PLEC: variants seen among roughly 807,000 people sequenced by gnomAD.
The protein encoded by PLEC is hemidesmosomal protein 1.
Under a neutral mutation model 392.8 loss-of-function variants are expected in PLEC, and 216 were observed. The ratio of observed to expected loss-of-function variants is 0.55; its 90% CI spans 0.49 to 0.62. PLEC has a LOEUF of 0.62. PLEC is among the 20% of genes least tolerant of loss of function. PLEC has a pLI of 0.00. For missense variants in PLEC, 6,863 were observed against 6,563.4 expected, an observed-to-expected ratio of 1.05 and a Z score of -1.58; for synonymous variants, 3,621 against 2,980.6, an observed-to-expected ratio of 1.21 and a Z score of -7.00.
At chr8:143,950,717 G>A (rs560786318) in exon 1 of PLEC, 5 of 1,554,566 alleles carry the variant, frequency 3.2e-6, no homozygotes, top group East Asian at 4.7e-5. Context: ...GGCTGCTGGA[G>A]CCGGGCAGTC....
chr8:143,933,957 C>A (rs373274697), intron 12 of PLEC, 41 bp downstream of exon 12: 2 of 1,533,952 alleles, frequency 1.3e-6, no homozygotes, highest in South Asian at 2.3e-5. Context: ...CAGGCTCCTC[C>A]GGCCTCCCTC....
At position 143,966,193 on chromosome 8, in the gene PLEC, C is replaced by T. The variant is rs970878971; in HGVS notation, c.70+7210G>A. Reference sequence around the variant, plus strand: ...CCCTGCTTCCTCACGCCCCTTCCTCCTTCGCAGACCCAACAGGCCCCCATG... The same window carrying T: ...CCCTGCTTCCTCACGCCCCTTCCTCTTTCGCAGACCCAACAGGCCCCCATG... On this transcript the variant is annotated intron_variant, in intron 1 of 31. Transcript: ENST00000356346. Among the ~76,000 whole-genome samples the T allele has an allele frequency of 1.5e-4, 23 of 152,336 alleles. No homozygotes were observed. The Middle Eastern group carries it at 0.01, about 68-fold the overall frequency.
chr8:143,944,060 CG>C, upstream of PLEC: 2 of 915,742 alleles, frequency 2.2e-6, no homozygotes, highest in Non-Finnish European at 3.2e-6. Context: ...CAACAGCTCC[CG>C]CCCGCCTCCT....
At chr8:143,942,705 C>G (rs1275328636), upstream of PLEC, among the ~76,000 whole-genome samples, 1 of 152,268 alleles carries the variant, frequency 6.6e-6, no homozygotes, top group Non-Finnish European at 1.5e-5. Context: ...GGCGCGCAGC[C>G]CCGCCCAGCG....
chr8:143,932,332 A>G (rs2131895278), intron 16 of PLEC, 68 bp downstream of exon 16: 1 of 1,608,716 alleles, frequency 6.2e-7, no homozygotes, highest in Admixed American at 1.7e-5. Context: ...GTCTCTGACC[A>G]TAGGGGACGG....
Position 143,922,068 on chromosome 8 carries a change from C to T in PLEC, c.7753G>A (p.Glu2585Lys). Residue 2585 changes from glutamate to lysine, a missense_variant, in exon 32 of 32, where the codon GAG becomes AAG. Coordinates refer to ENST00000345136, the MANE Select transcript of PLEC (RefSeq NM_201384.3). ...CTCTGGTTCTCCTCAGCCAGCAGCT[C>T]CTCCTGCTGCCGCCGCTGCTGCTCC... ...QLEQQRRQQE[E>K]LLAEENQRLR... 6.3e-7 allele frequency: 1 copy of T among 1,583,910 alleles called. No homozygotes were observed. Among genetic ancestry groups the T allele is most frequent in the Non-Finnish European group, 8.5e-7 (1 of 1,173,080 alleles).
At chr8:143,955,828 G>A (rs1171374677), upstream of PLEC, among the ~76,000 whole-genome samples, 2 of 151,898 alleles carry the variant, frequency 1.3e-5, no homozygotes, top group African/African-American at 4.8e-5. Flanking sequence ...TCAAACTCCT[G>A]GGCTCAAGCA....
Position 143,931,877 on chromosome 8 carries a change from T to C in PLEC, c.2178+60A>G, listed in dbSNP as rs868962318. On this transcript the variant is annotated intron_variant, in intron 18 of 31. Coordinates refer to ENST00000345136, the MANE Select transcript of PLEC (RefSeq NM_201384.3). ...CTCCTGATTGGAGCTGCCGAGGGGG[T>C]CCAGGGGCTCCTGCAAGGCTGCCGC... 55 of 1,490,930 alleles carry C rather than the reference T, an allele frequency of 3.7e-5. 1 individual carries two copies. In the Middle Eastern group the frequency reaches 3.7e-3, roughly 101 times the overall value. The allele number at this position is 1,490,930 out of a possible 1,614,324, so 92.4% of individuals were successfully genotyped here. A position where few individuals can be genotyped will look rare whatever the true frequency, so the allele number is the denominator to read the frequency against.
In PLEC at chr8:143,973,338, G is replaced by A. The variant is rs1273800202; in HGVS notation, c.70+65C>T. The A allele has an allele frequency of 7.9e-6, 12 of 1,528,110 alleles. No homozygotes were observed. The Admixed American group carries it at 1.4e-4, about 18-fold the overall frequency. The allele number at this position is 1,528,110 out of a possible 1,614,324, so 94.7% of individuals were successfully genotyped here. ...GGCGATCGGGACCGCCACCGTGGAC[G>A]ACAAGGTGCTCGGCGGCTGGGCTGT... is the stretch of plus-strand genomic sequence containing the variant. On this transcript the variant is annotated intron_variant, in intron 1 of 31. Transcript: ENST00000356346. The surrounding 1 kb of genome is among the most constrained non-coding windows in gnomAD (Gnocchi z 5.6).
rs950052323 is a variant in PLEC at position 143,969,568 on chromosome 8, A to T, written c.70+3835T>A. Among the ~76,000 whole-genome samples, 6 of 152,186 alleles carry T rather than the reference A, an allele frequency of 3.9e-5. No individual in the cohort carries two copies. The East Asian group carries it at 1.2e-3, about 29-fold the overall frequency. On this transcript the variant is annotated intron_variant, in intron 1 of 31. Transcript: ENST00000356346. The surrounding 1 kb of genome is among the most constrained non-coding windows in gnomAD (Gnocchi z 5.1). Reference sequence around the variant, plus strand: ...GAGAGAGACCTGGGGTGGGTGTGGCAGGGCGGGGACAGTTCTAGGAGAGAG... The same window carrying T: ...GAGAGAGACCTGGGGTGGGTGTGGCTGGGCGGGGACAGTTCTAGGAGAGAG...
rs1820488205 is a variant in PLEC, at chr8:143,916,272, A to C, written c.13549T>G (p.Phe4517Val). The change falls in exon 32 of 32, where the codon TTC becomes GTC. Residue 4517 changes from phenylalanine (F) to valine (V), a missense_variant. Transcript: ENST00000345136. ...GAGGAGGAGTAGGAGGATGAAGAGA[A>C]GGTCATGGAGAAGCCGGAGCCGGTG... ...DATGSGFSMT[F>V]SSSSYSSSGY... The C allele has an allele frequency of 6.4e-7, 1 of 1,555,692 alleles. No individual in the cohort carries two copies. The highest frequency in any genetic ancestry group is 8.7e-7 in the Non-Finnish European group (1 of 1,150,618).
chr8:143,953,488 C>G (rs559771368), upstream of PLEC, among the ~76,000 whole-genome samples: 4 of 152,224 alleles, frequency 2.6e-5, no homozygotes, highest in South Asian at 8.3e-4. Flanking sequence ...GCAGCAGCCA[C>G]CCCGCCCCCG....
chr8:143,917,725 G>T lies in PLEC; in HGVS notation c.12096C>A (p.Gly4032=). Residue 4032 remains glycine, a synonymous_variant, in exon 32 of 32, where the codon GGC becomes GGA. Coordinates refer to ENST00000345136, the MANE Select transcript of PLEC (RefSeq NM_201384.3). The part of the protein sequence containing the change: ...LISLFQAMKK[G]LILKDHGIRL... ...GGATGCCATGGTCCTTCAGGATCAG[G>T]CCCTTCTTCATGGCCTGGAAGAGGG... 1 of 1,613,582 alleles carries T rather than the reference G, an allele frequency of 6.2e-7. No individual in the cohort carries two copies. Among genetic ancestry groups the T allele is most frequent in the Non-Finnish European group, 8.5e-7 (1 of 1,180,014 alleles).
At chr8:143,976,518 C>G (rs1554746073), upstream of PLEC, among the ~76,000 whole-genome samples, 1 of 152,144 alleles carries the variant, frequency 6.6e-6, no homozygotes, top group Non-Finnish European at 1.5e-5. Flanking sequence ...ACACCCCGGG[C>G]ACCGCCCGTC....
intron 1 of PLEC, among the ~76,000 whole-genome samples, chr8:143,945,013 C>T (rs1242524538): frequency 1.3e-5 from 2 of 152,246 alleles, no homozygotes; most frequent in East Asian, 1.9e-4. Flanking sequence ...GAGCAGGGCG[C>T]GGGAGGTGCG....
In PLEC at chr8:143,923,242, C is replaced by G. The variant is rs782099387; in HGVS notation, c.6687G>C (p.Glu2229Asp). 1.1e-5 allele frequency: 18 copies of G among 1,604,682 alleles called. No homozygotes were observed. Among genetic ancestry groups the G allele is most frequent in the African/African-American group, 1.3e-5 (1 of 74,920 alleles). Residue 2229 changes from glutamate to aspartate, a missense_variant, in exon 31 of 32, where the codon GAG (glutamate) becomes GAC (aspartate). Glu to Asp is a conservative substitution (Grantham distance 45). Coordinates refer to ENST00000345136, the MANE Select transcript of PLEC (RefSeq NM_201384.3). ...AARQRSQVEEELFSVRVQMEE... is the reference protein window; with the variant it reads ...AARQRSQVEEDLFSVRVQMEE... The stretch of plus-strand genomic sequence containing the variant: ...CCATCTGCACGCGCACCGAGAAGAG[C>G]TCCTCCTCCACCTGGCTGCGCTGGC...
chr8:143,946,241 C>G, intron 1 of PLEC: 1 of 797,446 alleles, frequency 1.3e-6, no homozygotes, highest in South Asian at 1.6e-5. Context: ...ATCCCTGCAT[C>G]CCAGGTCTGA....
chr8:143,927,182 C>G, intron 28 of PLEC, 70 bp downstream of exon 28: 2 of 1,581,188 alleles, frequency 1.3e-6, no homozygotes, highest in East Asian at 4.5e-5. Flanking sequence ...GGCCCAGGCT[C>G]AGGGAAAGCC....
In PLEC at chr8:143,924,600, C is replaced by T. The variant is rs1394657236; in HGVS notation, c.5329G>A (p.Glu1777Lys). Residue 1777 changes from glutamate to lysine, a missense_variant, in exon 31 of 32, where the codon GAG becomes AAG. Physicochemically the swap from Glu to Lys is moderately conservative, Grantham distance 56. Transcript: ENST00000345136. ...GACTTCTCGCTGGTGGAGCGCGACTCCTCCTCAGCCCTCGCCTTGCTGGCC... is the reference window on the plus strand; with the variant it reads ...GACTTCTCGCTGGTGGAGCGCGACTTCTCCTCAGCCCTCGCCTTGCTGGCC... ...LLASKARAEE[E>K]SRSTSEKSKQ... is the part of the protein sequence containing the mutation. 1 of 1,544,340 alleles carries T rather than the reference C, an allele frequency of 6.5e-7. No homozygotes were observed. Among genetic ancestry groups the T allele is most frequent in the Non-Finnish European group, 8.7e-7 (1 of 1,151,564 alleles).
Sources: gnomAD v4.1 joint callset for allele counts (sites outside exome capture counted in the v4.1 genomes callset) on GRCh38, gnomAD v4.1.1 for gene constraint, Gnocchi (gnomAD v3.1) non-coding constraint, MANE v1.5 for transcripts, NCBI Gene and HGNC (gene_info 2026-07-23, HGNC 2026-07-21) for gene names.